Variants in PALD1 observed in about 807,000 individuals in gnomAD.
PALD1 encodes the protein paladin.
PALD1 carries 57 observed loss-of-function variants against 96.0 expected under a neutral mutation model. The ratio of observed to expected loss-of-function variants is 0.59; its 90% CI spans 0.48 to 0.74. The LOEUF is 0.74. PALD1 is among the 30% of genes least tolerant of loss of function. The probability of loss-of-function intolerance (pLI) is 0.00; values close to 1 mark genes in which losing one functional copy is unlikely to be tolerated. For missense variants in PALD1, 1,063 were observed against 1,143.7 expected (o/e 0.93, Z 1.02); for synonymous variants, 464 against 473.6 (o/e 0.98, Z 0.26).
In PALD1 at chr10:70,566,894, T is replaced by C; in HGVS notation, c.*161T>C. On this transcript the variant is annotated 3_prime_UTR_variant, in exon 20 of 20. Coordinates refer to ENST00000263563, the MANE Select transcript of PALD1 (RefSeq NM_014431.3). ...AGTTGGGAGCCTTTTTAGAAAGAAC[T>C]TTTTATAGGACAGGGAGACAGCACA... 1.7e-6 allele frequency: 1 copy of C among 581,182 alleles called. No homozygotes were observed. The highest frequency in any genetic ancestry group is 2.3e-5 in the South Asian group (1 of 44,372). 36.0% of individuals were successfully genotyped at this position (581,182 alleles called of 1,614,324 possible). A position where few individuals can be genotyped will look rare whatever the true frequency, so the allele number is the denominator to read the frequency against.
Position 70,566,866 on chromosome 10 carries a change from C to A in PALD1, c.*133C>A, listed in dbSNP as rs767782694. ...TCCCCCACTTCCTGGAGAGACTGAG[C>A]GGAGTTGGGAGCCTTTTTAGAAAGA... On this transcript the variant is annotated 3_prime_UTR_variant, in exon 20 of 20. Transcript: ENST00000263563. 1 of 619,028 alleles carries A rather than the reference C, an allele frequency of 1.6e-6. No individual in the cohort carries two copies. The highest frequency in any genetic ancestry group is 1.8e-5 in the African/African-American group (1 of 54,248). 38.3% of individuals were successfully genotyped at this position (619,028 alleles called of 1,614,324 possible).
intron 18 of PALD1, among the ~76,000 whole-genome samples, chr10:70,556,383 A>C (rs1847612479): frequency 6.6e-6 from 1 of 151,812 alleles, no homozygotes; most frequent in African/African-American, 2.4e-5. Flanking sequence ...TGGTGCAATC[A>C]TACCTCACTG....
At chr10:70,482,049 G>A (rs1845941845) in intron 1 of PALD1, among the ~76,000 whole-genome samples, 1 of 152,182 alleles carries the variant, frequency 6.6e-6, no homozygotes, top group Admixed American at 6.5e-5. Context: ...TGTGGCGGTG[G>A]GGGCCTTTGA....
Position 70,534,051 on chromosome 10 carries a change from A to G in PALD1, c.1000A>G (p.Ser334Gly). 6.2e-7 allele frequency: 1 copy of G among 1,608,264 alleles called. No individual in the cohort carries two copies. The highest frequency in any genetic ancestry group is 1.1e-5 in the South Asian group (1 of 90,326). Reference sequence around the variant, plus strand: ...GGGCACCCTCATCCTGCTTCACCGCAGTGGGACCACCTCCCAGCCAGAGTG... The same window carrying G: ...GGGCACCCTCATCCTGCTTCACCGCGGTGGGACCACCTCCCAGCCAGAGTG... Reference protein sequence around the residue: ...VLGTLILLHRSGTTSQPEAAP... With the variant: ...VLGTLILLHRGGTTSQPEAAP... The change falls in exon 8 of 20, where the codon AGT (serine) becomes GGT (glycine). Residue 334 changes from serine to glycine, a missense_variant. Transcript: ENST00000263563.
intron 1 of PALD1, among the ~76,000 whole-genome samples, chr10:70,490,570 A>C (rs1846082373): frequency 6.6e-6 from 1 of 152,226 alleles, no homozygotes; most frequent in African/African-American, 2.4e-5. Flanking sequence ...TAAAGTTTTT[A>C]CAAAACTATT....
chr10:70,495,535 G>A (rs527261483), intron 1 of PALD1, among the ~76,000 whole-genome samples: 358 of 152,208 alleles, frequency 2.4e-3, no homozygotes, highest in African/African-American at 8.4e-3. Context: ...TAAGCAGACG[G>A]GGTTGGAATT....
the PALD1 span, among the ~76,000 whole-genome samples, chr10:70,470,309 A>G: frequency 2.6e-5 from 4 of 152,146 alleles, no homozygotes; most frequent in Non-Finnish European, 5.9e-5. Flanking sequence ...GTGCATATGT[A>G]AGAATGTTCC....
At chr10:70,547,189 T>C in intron 17 of PALD1, 117 bp from the exon 18 acceptor site, 1 of 866,128 alleles carries the variant, frequency 1.2e-6, no homozygotes, top group South Asian at 1.5e-5. Context: ...CAGGGCTCTC[T>C]GTTCAGCGCC....
chr10:70,525,932 C>T lies in PALD1; in HGVS notation c.-20C>T, dbSNP rs773795212. On this transcript the variant is annotated 5_prime_UTR_variant, in exon 2 of 20. Coordinates refer to ENST00000263563, the MANE Select transcript of PALD1 (RefSeq NM_014431.3). ...CCCTCTTATCCTACAGGTCTGGGGT[C>T]CTGAGGCTGCTGGCAGACTATGGGT... The T allele has an allele frequency of 1.2e-6, 2 of 1,613,550 alleles. No individual in the cohort carries two copies. Among genetic ancestry groups the T allele is most frequent in the Admixed American group, 1.7e-5 (1 of 60,026 alleles).
At chr10:70,484,921 A>G (rs944156061) in intron 1 of PALD1, among the ~76,000 whole-genome samples, 1 of 152,252 alleles carries the variant, frequency 6.6e-6, no homozygotes, top group Admixed American at 6.5e-5. Context: ...ATTGCTAAGC[A>G]TCCCCCATTC....
In PALD1 at chr10:70,566,773, G is replaced by T; in HGVS notation, c.*40G>T. On this transcript the variant is annotated 3_prime_UTR_variant, in exon 20 of 20. Transcript: ENST00000263563. The stretch of plus-strand genomic sequence containing the variant: ...TGTCCCCCCACCCACAGGGCCCCAC[G>T]CAGGCCTGGGGTGTCTGAGGTGCTC... 1 of 1,456,628 alleles carries T rather than the reference G, an allele frequency of 6.9e-7. No individual in the cohort carries two copies. The highest frequency in any genetic ancestry group is 9.3e-7 in the Non-Finnish European group (1 of 1,071,216). 90.2% of individuals were successfully genotyped at this position (1,456,628 alleles called of 1,614,324 possible).
At chr10:70,556,293 T>C (rs141899643) in intron 18 of PALD1, among the ~76,000 whole-genome samples, 5 of 133,730 alleles carry the variant, frequency 3.7e-5, no homozygotes, top group South Asian at 2.4e-4. Flanking sequence ...TCTCTCTCTC[T>C]CTCTCTCTCT....
chr10:70,533,689 C>T (rs144722473), intron 7 of PALD1, among the ~76,000 whole-genome samples: 1 of 152,232 alleles, frequency 6.6e-6, no homozygotes, highest in African/African-American at 2.4e-5. Context: ...TGGCCTGGTG[C>T]CCTCTGAGTC....
chr10:70,495,171 C>T (rs888721157), intron 1 of PALD1, among the ~76,000 whole-genome samples: 3 of 152,234 alleles, frequency 2.0e-5, no homozygotes, highest in African/African-American at 7.2e-5. Context: ...TTCACACGGC[C>T]GGGGCCTTCC....
At chr10:70,497,084 C>G (rs907291399) in intron 1 of PALD1, among the ~76,000 whole-genome samples, 2 of 152,236 alleles carry the variant, frequency 1.3e-5, no homozygotes, top group African/African-American at 4.8e-5. Context: ...ACCTCCTTCC[C>G]CATCCCTGGC....
In PALD1 at chr10:70,512,032, G is replaced by GA. The variant is rs369014723; in HGVS notation, c.-29-13881dup. 4.6e-3 allele frequency among the ~76,000 whole-genome samples: 672 copies of GA among 147,026 alleles called. 4 individuals are homozygous for GA. The highest frequency in any genetic ancestry group is 0.016 in the African/African-American group (638 of 40,168). ...CAGAGCGAGACTCCGTCTCAAAAGA[G>GA]AAAAAAAAAAGGCATTGAATCCACC... On this transcript the variant is annotated intron_variant, in intron 1 of 19. Coordinates refer to ENST00000263563, the MANE Select transcript of PALD1 (RefSeq NM_014431.3).
At chr10:70,523,144 T>A (rs1302234572) in intron 1 of PALD1, among the ~76,000 whole-genome samples, 1 of 152,248 alleles carries the variant, frequency 6.6e-6, no homozygotes, top group African/African-American at 2.4e-5. Flanking sequence ...AACATCTGTG[T>A]CGTCTCTGGG....
the PALD1 span, among the ~76,000 whole-genome samples, chr10:70,463,050 G>C: frequency 6.6e-6 from 1 of 152,226 alleles, no homozygotes; most frequent in Non-Finnish European, 1.5e-5. Flanking sequence ...AACTCCTGGA[G>C]AGTTCAGATT....
intron 18 of PALD1, among the ~76,000 whole-genome samples, chr10:70,560,944 G>A (rs989680329): frequency 6.9e-6 from 1 of 145,366 alleles, no homozygotes; most frequent in African/African-American, 2.5e-5. Flanking sequence ...TAACATGGGG[G>A]ACGGTGTTAA....
Sources: allele counts gnomAD v4.1 joint callset (sites outside exome capture counted in the v4.1 genomes callset), GRCh38; gene constraint gnomAD v4.1.1; transcripts MANE v1.5; gene names NCBI Gene and HGNC (gene_info 2026-07-23, HGNC 2026-07-21).